Variants in ABLIM2 observed in about 807,000 individuals in gnomAD.
ABLIM2 encodes the protein actin binding LIM protein family member 2.
ABLIM2 carries 53 observed loss-of-function variants against 97.7 expected under a neutral mutation model. The observed-to-expected ratio is 0.54, with a 90% CI of 0.44 to 0.68. ABLIM2 has a LOEUF of 0.68. Among genes scored for constraint, ABLIM2 ranks in the 30% least tolerant of loss-of-function variants. The pLI is 0.00. For missense variants in ABLIM2, 835 were observed against 867.2 expected (o/e 0.96, Z 0.47); for synonymous variants, 361 against 345.8 (o/e 1.04, Z -0.49).
At chr4:8,035,467 C>T (rs758497682) in intron 10 of ABLIM2, among the ~76,000 whole-genome samples, 4 of 152,312 alleles carry the variant, frequency 2.6e-5, no homozygotes, top group South Asian at 2.1e-4. Context: ...CCATGCCTGG[C>T]GGCACGCATG....
intron 10 of ABLIM2, among the ~76,000 whole-genome samples, chr4:8,031,389 T>C (rs1054073866): frequency 1.3e-5 from 2 of 152,206 alleles, no homozygotes; most frequent in African/African-American, 4.8e-5. Flanking sequence ...AGGGGTTCCC[T>C]GTGCAGGTAA....
intron 1 of ABLIM2, among the ~76,000 whole-genome samples, chr4:8,129,095 G>C (rs1421431697): frequency 6.6e-6 from 1 of 152,044 alleles, no homozygotes; most frequent in Non-Finnish European, 1.5e-5. Flanking sequence ...ACCTGAGGCT[G>C]GGGGCAGAGG....
chr4:8,135,730 G>A (rs931911915), intron 1 of ABLIM2, among the ~76,000 whole-genome samples: 50 of 152,228 alleles, frequency 3.3e-4, no homozygotes, highest in African/African-American at 1.1e-3. Flanking sequence ...CTCAAGGAGC[G>A]CAGATGACGC....
chr4:8,101,156 AG>A (rs1834372127), intron 2 of ABLIM2, among the ~76,000 whole-genome samples: 2 of 152,230 alleles, frequency 1.3e-5, no homozygotes, highest in South Asian at 4.1e-4. Flanking sequence ...AGAGAACCCC[AG>A]GGGCCTGAGT....
intron 17 of ABLIM2, among the ~76,000 whole-genome samples, chr4:7,990,347 G>C (rs1026090774): frequency 9.9e-5 from 15 of 151,994 alleles, no homozygotes; most frequent in Non-Finnish European, 2.1e-4. Context: ...TAGGATGCCC[G>C]CCACCATACC....
rs1034092606 is a variant in ABLIM2 at position 8,083,946 on chromosome 4, G to A, written c.455-3144C>T. Among the ~76,000 whole-genome samples the A allele has an allele frequency of 6.6e-6, 1 of 152,130 alleles. No homozygotes were observed. Among genetic ancestry groups the A allele is most frequent in the Non-Finnish European group, 1.5e-5 (1 of 68,018 alleles). Reference sequence around the variant, plus strand: ...TTGGGGGGTGGCTAGGATGTGCCAGGCAGCCTCCTGGAGCCTCAGCTGGAG... The same window carrying A: ...TTGGGGGGTGGCTAGGATGTGCCAGACAGCCTCCTGGAGCCTCAGCTGGAG... On this transcript the variant is annotated intron_variant, in intron 4 of 20. Transcript: ENST00000447017. The surrounding 1 kb of genome is among the most constrained non-coding windows in gnomAD (Gnocchi z 4.6).
At chr4:8,056,498 A>G (rs903343227) in intron 7 of ABLIM2, among the ~76,000 whole-genome samples, 26 of 151,810 alleles carry the variant, frequency 1.7e-4, no homozygotes, top group Admixed American at 1.3e-3. Flanking sequence ...ATGGGGTCTC[A>G]CTATATTGAC....
chr4:8,059,343 C>A (rs926764910), intron 7 of ABLIM2, among the ~76,000 whole-genome samples: 1 of 151,824 alleles, frequency 6.6e-6, no homozygotes, highest in Admixed American at 6.6e-5. Context: ...GCATTGAAAA[C>A]CAAGCAGAAG....
intron 2 of ABLIM2, among the ~76,000 whole-genome samples, chr4:8,101,234 C>T (rs867311273): frequency 2.0e-5 from 3 of 152,218 alleles, no homozygotes; most frequent in Non-Finnish European, 2.9e-5. Context: ...TGGCCCAGCC[C>T]GGCTCAGGAT....
At chr4:8,049,947 C>T (rs1041410234) in intron 8 of ABLIM2, among the ~76,000 whole-genome samples, 4 of 152,114 alleles carry the variant, frequency 2.6e-5, no homozygotes, top group Non-Finnish European at 4.4e-5. Flanking sequence ...AGGCTGGTCT[C>T]GAACTCCTGA....
intron 3 of ABLIM2, 122 bp downstream of exon 3, chr4:8,096,977 T>G: frequency 8.0e-7 from 1 of 1,250,008 alleles, no homozygotes. Context: ...TGGAACAGCC[T>G]CGCTGCAGGA....
Position 8,124,617 on chromosome 4 carries a change from C to T in ABLIM2, c.11-17980G>A, listed in dbSNP as rs150260463. ...TCCTTTTGATGGCTGAGAAATATTCCGTTGTACAGACAGACCCTATTTGGC... is the reference window on the plus strand; with the variant it reads ...TCCTTTTGATGGCTGAGAAATATTCTGTTGTACAGACAGACCCTATTTGGC... On this transcript the variant is annotated intron_variant, in intron 1 of 20. Coordinates refer to ENST00000447017, the MANE Select transcript of ABLIM2 (RefSeq NM_001130083.2). This position sits in a 1 kb window ranked among gnomAD's most constrained non-coding sequence, Gnocchi z 6.1. Among the ~76,000 whole-genome samples, 185 of 152,270 alleles carry T rather than the reference C, an allele frequency of 1.2e-3. No individual in the cohort carries two copies. Among genetic ancestry groups the T allele is most frequent in the African/African-American group, 4.3e-3 (180 of 41,542 alleles).
At position 8,072,353 on chromosome 4, in the gene ABLIM2, C is replaced by T. The variant is rs1812814395; in HGVS notation, c.675+5275G>A. On this transcript the variant is annotated intron_variant, in intron 6 of 20. Coordinates refer to ENST00000447017, the MANE Select transcript of ABLIM2 (RefSeq NM_001130083.2). The surrounding 1 kb of genome is among the most constrained non-coding windows in gnomAD (Gnocchi z 5.8). Reference sequence around the variant, plus strand: ...TGCCTGATGAAACCCACTTTGCTCGCCCAGTGCGGAGCGTGCCTGAGGCAG... The same window carrying T: ...TGCCTGATGAAACCCACTTTGCTCGTCCAGTGCGGAGCGTGCCTGAGGCAG... Among the ~76,000 whole-genome samples, 1 of 152,212 alleles carries T rather than the reference C, an allele frequency of 6.6e-6. No individual in the cohort carries two copies. Among genetic ancestry groups the T allele is most frequent in the Non-Finnish European group, 1.5e-5 (1 of 68,036 alleles).
intron 2 of ABLIM2, among the ~76,000 whole-genome samples, chr4:8,100,968 G>A (rs951655995): frequency 3.9e-5 from 6 of 152,142 alleles, no homozygotes; most frequent in South Asian, 2.1e-4. Flanking sequence ...TGAAGCGAAC[G>A]AATCAGGTAT....
At chr4:7,983,147 C>T (rs1740208272) in intron 20 of ABLIM2, 117 bp downstream of exon 20, 1 of 1,071,342 alleles carries the variant, frequency 9.3e-7, no homozygotes, top group Admixed American at 2.0e-5. Context: ...CACGGCAAGG[C>T]TCTGCACTGT....
At chr4:7,983,013 T>G (rs886536314) in intron 20 of ABLIM2, among the ~76,000 whole-genome samples, 8 of 152,184 alleles carry the variant, frequency 5.3e-5, no homozygotes, top group African/African-American at 1.9e-4. Context: ...CAGAGCTCAT[T>G]ATTCTTACAA....
chr4:8,051,142 C>G (rs1315018790), intron 8 of ABLIM2, among the ~76,000 whole-genome samples: 1 of 152,256 alleles, frequency 6.6e-6, no homozygotes, highest in Admixed American at 6.5e-5. Flanking sequence ...GGGGTCAGAA[C>G]CCGGGAGCTG....
chr4:8,008,228 ATGTC>A, intron 15 of ABLIM2, 28 bp from the exon 16 acceptor site: 1 of 1,605,200 alleles, frequency 6.2e-7, no homozygotes, highest in Non-Finnish European at 8.5e-7. Flanking sequence ...AGTCATGCAA[ATGTC>A]AAGGTCATCT....
At chr4:8,104,907 C>G (rs1158661169) in intron 2 of ABLIM2, among the ~76,000 whole-genome samples, 1 of 152,180 alleles carries the variant, frequency 6.6e-6, no homozygotes, top group African/African-American at 2.4e-5. Flanking sequence ...GACTAGTGGA[C>G]AATGTCTGCA....
Sources: gnomAD v4.1 joint callset for allele counts (sites outside exome capture counted in the v4.1 genomes callset) on GRCh38, gnomAD v4.1.1 for gene constraint, Gnocchi (gnomAD v3.1) non-coding constraint, MANE v1.5 for transcripts, NCBI Gene and HGNC (gene_info 2026-07-23, HGNC 2026-07-21) for gene names.